The following CFAP97D1 variants were observed in gnomAD, a reference collection of about 807,000 sequenced individuals.
The protein encoded by CFAP97D1 is CFAP97 domain containing 1.
A neutral mutation model predicts 20.5 loss-of-function variants in CFAP97D1; 15 were observed. That is an observed-to-expected ratio of 0.73 (90% CI 0.49 to 1.13). The LOEUF (loss-of-function observed/expected upper bound fraction) is 1.13. CFAP97D1 is among the 50% of genes most tolerant of loss of function. CFAP97D1 has a pLI of 0.00. For synonymous variants in CFAP97D1, 58 were observed against 71.2 expected (o/e 0.82, Z 0.93); for missense variants, 168 against 202.9 (o/e 0.83, Z 1.04).
rs962309671 is a variant in CFAP97D1, at chr17:43,786,135, T to C, written c.*1753T>C. 1 of 152,166 alleles carries C rather than the reference T, an allele frequency of 6.6e-6. No individual in the cohort carries two copies. The highest frequency in any genetic ancestry group is 2.4e-5 in the African/African-American group (1 of 41,412). 9.4% of individuals were successfully genotyped at this position (152,166 alleles called of 1,614,324 possible). A position where few individuals can be genotyped will look rare whatever the true frequency, so the allele number is the denominator to read the frequency against. On this transcript the variant is annotated 3_prime_UTR_variant, in exon 6 of 6. Coordinates refer to ENST00000449302, the MANE Select transcript of CFAP97D1 (RefSeq NM_001136483.3). ...ACAGGAGAGGAAGAGTGTATTCCAGTTCCAGCAGATAGATTGACATATTCG... is the reference window on the plus strand; with the variant it reads ...ACAGGAGAGGAAGAGTGTATTCCAGCTCCAGCAGATAGATTGACATATTCG...
intron 3 of CFAP97D1, among the ~76,000 whole-genome samples, chr17:43,782,454 A>G (rs1451626698): frequency 6.6e-6 from 1 of 152,170 alleles, no homozygotes. Flanking sequence ...GGATTTGAAC[A>G]TAAGAATTTT....
chr17:43,780,441 G>A lies in CFAP97D1; in HGVS notation c.-22G>A. The A allele has an allele frequency of 6.4e-7, 1 of 1,551,546 alleles. No homozygotes were observed. Among genetic ancestry groups the A allele is most frequent in the Non-Finnish European group, 8.7e-7 (1 of 1,146,900 alleles). The stretch of plus-strand genomic sequence containing the variant: ...AGAGGAGTCTGGGTACCTCATTTCT[G>A]AAGTGAGACTAGGAAGAGAAGATGA... On this transcript the variant is annotated 5_prime_UTR_variant, in exon 1 of 6. Transcript: ENST00000449302.
In CFAP97D1 at chr17:43,783,351, G is replaced by A. The variant is rs1289181473; in HGVS notation, c.438+48G>A. On this transcript the variant is annotated intron_variant, in intron 4 of 5. Transcript: ENST00000449302. ...CTCCCAGACACACACAGAGTTTGTC[G>A]GTGTTCAGCCTAGAGAGAGTCTCAG... 6.5e-6 allele frequency: 10 copies of A among 1,548,808 alleles called. No homozygotes were observed. The Admixed American group carries it at 1.2e-4, about 18-fold the overall frequency.
rs748081458 is a variant in CFAP97D1 at position 43,784,658 on chromosome 17, T to G, written c.*276T>G. ...GAGAGAGAAATCTGAGAGAACTCTTTAAAACATACACCATCATCACCATCC... is the reference window on the plus strand; with the variant it reads ...GAGAGAGAAATCTGAGAGAACTCTTGAAAACATACACCATCATCACCATCC... On this transcript the variant is annotated 3_prime_UTR_variant, in exon 6 of 6. Coordinates refer to ENST00000449302, the MANE Select transcript of CFAP97D1 (RefSeq NM_001136483.3). The G allele has an allele frequency of 1.3e-5, 2 of 151,506 alleles. No homozygotes were observed. Among genetic ancestry groups the G allele is most frequent in the Non-Finnish European group, 2.9e-5 (2 of 67,900 alleles). The allele number at this position is 151,506 out of a possible 1,614,324, so 9.4% of individuals were successfully genotyped here. A position where few individuals can be genotyped will look rare whatever the true frequency, so the allele number is the denominator to read the frequency against.
rs112085164 is a variant in CFAP97D1 at position 43,786,955 on chromosome 17, C to CATTATTATTATTATTATTATT, written c.*2580_*2600dup. The CATTATTATTATTATTATTATT allele has an allele frequency of 8.8e-3, 1,318 of 149,696 alleles. 19 individuals carry two copies. Among genetic ancestry groups the CATTATTATTATTATTATTATT allele is most frequent in the African/African-American group, 0.029 (1,162 of 40,548 alleles). 9.3% of individuals were successfully genotyped at this position (149,696 alleles called of 1,614,324 possible). On this transcript the variant is annotated 3_prime_UTR_variant, in exon 6 of 6. Coordinates refer to ENST00000449302, the MANE Select transcript of CFAP97D1 (RefSeq NM_001136483.3). ...TTGGGGTAGTTTCTAGTTTTTCAAA[C>CATTATTATTATTATTATTATT]ATTATTATTATTATTATTATTATTA...
intron 3 of CFAP97D1, among the ~76,000 whole-genome samples, chr17:43,782,098 C>T (rs1974480725): frequency 6.6e-6 from 1 of 152,344 alleles, no homozygotes; most frequent in African/African-American, 2.4e-5. Flanking sequence ...ATCGAAGAGA[C>T]TTTTCAGAGT....
rs1031627324 is a variant in CFAP97D1 at position 43,783,308 on chromosome 17, G to A, written c.438+5G>A. 1.2e-5 allele frequency: 19 copies of A among 1,550,924 alleles called. No homozygotes were observed. Among genetic ancestry groups the A allele is most frequent in the East Asian group, 7.3e-5 (3 of 40,932 alleles). On this transcript the variant is annotated splice_donor_5th_base_variant and intron_variant, in intron 4 of 5. Coordinates refer to ENST00000449302, the MANE Select transcript of CFAP97D1 (RefSeq NM_001136483.3). The stretch of plus-strand genomic sequence containing the variant: ...GCATCTGAGATAGACTGGCAGGCAC[G>A]TGGGCACTCATGTTATACTCCCAGA...
At chr17:43,782,968 G>A in intron 3 of CFAP97D1, 2 of 578,696 alleles carry the variant, frequency 3.5e-6, no homozygotes, top group South Asian at 4.1e-5. Flanking sequence ...CAACAGGGTT[G>A]AGGACCACTG....
At position 43,786,726 on chromosome 17, in the gene CFAP97D1, A is replaced by G. The variant is rs1352155779; in HGVS notation, c.*2344A>G. On this transcript the variant is annotated 3_prime_UTR_variant, in exon 6 of 6. Coordinates refer to ENST00000449302, the MANE Select transcript of CFAP97D1 (RefSeq NM_001136483.3). ...TCAAGCCTAACTCTTGGCAATCACAATCTGTTTTCCACCTCTCTGTTAGTT... is the reference window on the plus strand; with the variant it reads ...TCAAGCCTAACTCTTGGCAATCACAGTCTGTTTTCCACCTCTCTGTTAGTT... 2 of 152,066 alleles carry G rather than the reference A, an allele frequency of 1.3e-5. No individual in the cohort carries two copies. Among genetic ancestry groups the G allele is most frequent in the East Asian group, 1.9e-4 (1 of 5,184 alleles). 9.4% of individuals were successfully genotyped at this position (152,066 alleles called of 1,614,324 possible).
In CFAP97D1 at chr17:43,781,652, T is replaced by C. The variant is rs1476402367; in HGVS notation, c.196-122T>C. 4.3e-6 allele frequency: 3 copies of C among 697,222 alleles called. No individual in the cohort carries two copies. The African/African-American group carries it at 5.4e-5, about 13-fold the overall frequency. The allele number at this position is 697,222 out of a possible 1,614,324, so 43.2% of individuals were successfully genotyped here. On this transcript the variant is annotated intron_variant, in intron 2 of 5. Transcript: ENST00000449302. ...CCAGTCTTTTAAGTTCTGCTTCCAG[T>C]CTCCACTGTGGCCCTCAATGCACCC...
At chr17:43,781,645 C>A in intron 2 of CFAP97D1, 129 bp from the exon 3 acceptor site, 1 of 684,222 alleles carries the variant, frequency 1.5e-6, no homozygotes, top group Non-Finnish European at 2.6e-6. Context: ...TTAAGTTCTG[C>A]TTCCAGTCTC....
Position 43,783,219 on chromosome 17 carries a change from C to A in CFAP97D1, c.354C>A (p.Ile118=). The change falls in exon 4 of 6, where the codon ATC becomes ATA. Residue 118 remains isoleucine (I), a synonymous_variant. Coordinates refer to ENST00000449302, the MANE Select transcript of CFAP97D1 (RefSeq NM_001136483.3). ...CAAGGAACCGCGAGCTAGTGAGAAT[C>A]ACCATGGAAAACCAGGGCATTCTGA... The part of the protein sequence containing the change: ...RETRNRELVR[I]TMENQGILKR... The A allele has an allele frequency of 6.4e-7, 1 of 1,551,530 alleles. No individual in the cohort carries two copies. Among genetic ancestry groups the A allele is most frequent in the African/African-American group, 1.4e-5 (1 of 73,130 alleles).
intron 5 of CFAP97D1, 128 bp downstream of exon 5, chr17:43,784,021 T>C (rs1413684770): frequency 1.3e-5 from 8 of 614,958 alleles, no homozygotes; most frequent in Non-Finnish European, 2.2e-5. Flanking sequence ...TATTGACTAG[T>C]CTTCCATTCG....
intron 5 of CFAP97D1, among the ~76,000 whole-genome samples, 176 bp downstream of exon 5, chr17:43,784,069 A>G (rs781246684): frequency 8.5e-5 from 13 of 152,158 alleles, no homozygotes; most frequent in Non-Finnish European, 1.6e-4. Flanking sequence ...TCTTCTCTCC[A>G]TACAAGAAGG....
intron 1 of CFAP97D1, 51 bp downstream of exon 1, chr17:43,780,637 A>T: frequency 6.5e-7 from 1 of 1,547,728 alleles, no homozygotes; most frequent in South Asian, 1.2e-5. Flanking sequence ...TTGGAATGGT[A>T]CCCCATAAAG....
chr17:43,781,728 CA>C, intron 2 of CFAP97D1, 45 bp from the exon 3 acceptor site: 1 of 1,192,442 alleles, frequency 8.4e-7, no homozygotes. Context: ...TGTGTTGGGG[CA>C]GTGCACTGAT....
In CFAP97D1 at chr17:43,786,597, TG is replaced by T. The variant is rs1177156623; in HGVS notation, c.*2216del. 1 of 151,884 alleles carries T rather than the reference TG, an allele frequency of 6.6e-6. No homozygotes were observed. Among genetic ancestry groups the T allele is most frequent in the Non-Finnish European group, 1.5e-5 (1 of 68,038 alleles). 9.4% of individuals were successfully genotyped at this position (151,884 alleles called of 1,614,324 possible). A position where few individuals can be genotyped will look rare whatever the true frequency, so the allele number is the denominator to read the frequency against. ...TATATGTATAGCTCTATGCGGTTTT[TG>T]CCACATGTATAGCTTTGTGTAACCA... On this transcript the variant is annotated 3_prime_UTR_variant, in exon 6 of 6. Coordinates refer to ENST00000449302, the MANE Select transcript of CFAP97D1 (RefSeq NM_001136483.3).
intron 2 of CFAP97D1, 122 bp downstream of exon 2, chr17:43,781,311 C>T: frequency 1.3e-6 from 1 of 790,046 alleles, no homozygotes; most frequent in South Asian, 1.6e-5. Flanking sequence ...TTTGTTAATA[C>T]TCCTCCTCCC....
rs2044290895 is a variant in CFAP97D1 at position 43,786,073 on chromosome 17, G to A, written c.*1691G>A. 6.6e-6 allele frequency: 1 copy of A among 152,284 alleles called. No individual in the cohort carries two copies. Among genetic ancestry groups the A allele is most frequent in the African/African-American group, 2.4e-5 (1 of 41,446 alleles). 9.4% of individuals were successfully genotyped at this position (152,284 alleles called of 1,614,324 possible). A position where few individuals can be genotyped will look rare whatever the true frequency, so the allele number is the denominator to read the frequency against. On this transcript the variant is annotated 3_prime_UTR_variant, in exon 6 of 6. Transcript: ENST00000449302. Reference sequence around the variant, plus strand: ...CAAGGGTGCTGGTGTGAGTCTTGGAGTACAAAGGCCAAGGAGCCTAGAGTT... The same window carrying A: ...CAAGGGTGCTGGTGTGAGTCTTGGAATACAAAGGCCAAGGAGCCTAGAGTT...
Sources: allele counts gnomAD v4.1 joint callset (sites outside exome capture counted in the v4.1 genomes callset), GRCh38; gene constraint gnomAD v4.1.1; transcripts MANE v1.5; gene names NCBI Gene and HGNC (gene_info 2026-07-23, HGNC 2026-07-21).